The following KCNT2 variants were observed in gnomAD, a reference collection of about 807,000 sequenced individuals.
The protein encoded by KCNT2 is potassium sodium-activated channel subfamily T member 2.
KCNT2 carries 67 observed loss-of-function variants against 153.8 expected under a neutral mutation model. That is an observed-to-expected ratio of 0.44 (90% CI 0.36 to 0.53). The LOEUF is 0.53. KCNT2 is among the 20% of genes least tolerant of loss of function. KCNT2 has a pLI of 0.00. For missense variants in KCNT2, 975 were observed against 1,354.8 expected, an observed-to-expected ratio of 0.72 and a Z score of 4.40; for synonymous variants, 500 against 458.8, an observed-to-expected ratio of 1.09 and a Z score of -1.15.
chr1:196,312,386 C>T (rs570839849), intron 21 of KCNT2, among the ~76,000 whole-genome samples: 12 of 150,958 alleles, frequency 7.9e-5, no homozygotes, highest in African/African-American at 1.7e-4. Flanking sequence ...GTGTCCCCTC[C>T]GCGAGAAAAA....
At chr1:196,350,490 C>A (rs1481842689) in intron 14 of KCNT2, among the ~76,000 whole-genome samples, 1 of 152,152 alleles carries the variant, frequency 6.6e-6, no homozygotes, top group Non-Finnish European at 1.5e-5. Context: ...TGTCTTTTGG[C>A]TGCATAAATG....
intron 14 of KCNT2, among the ~76,000 whole-genome samples, chr1:196,355,590 G>C (rs910721173): frequency 1.3e-5 from 2 of 151,736 alleles, no homozygotes; most frequent in African/African-American, 4.8e-5. Context: ...GTACATGAAA[G>C]TAGCTTAAAT....
At chr1:196,417,978 T>C (rs1223015486) in intron 12 of KCNT2, among the ~76,000 whole-genome samples, 1 of 152,160 alleles carries the variant, frequency 6.6e-6, no homozygotes, top group East Asian at 1.9e-4. Context: ...TGCATGACTG[T>C]AGTTCGATAA....
At chr1:196,349,425 C>T (rs1666428329) in intron 14 of KCNT2, among the ~76,000 whole-genome samples, 2 of 152,112 alleles carry the variant, frequency 1.3e-5, no homozygotes, top group African/African-American at 4.8e-5. Flanking sequence ...TGTCGCTGCT[C>T]TGCAGGCTAA....
At chr1:196,547,810 T>A (rs367748214) in intron 1 of KCNT2, among the ~76,000 whole-genome samples, 1 of 151,824 alleles carries the variant, frequency 6.6e-6, no homozygotes, top group Non-Finnish European at 1.5e-5. Context: ...AAGCAATACA[T>A]CTTCTTTTAG....
intron 12 of KCNT2, among the ~76,000 whole-genome samples, chr1:196,405,433 T>A (rs1339228912): frequency 2.6e-5 from 4 of 151,520 alleles, no homozygotes; most frequent in Non-Finnish European, 5.9e-5. Flanking sequence ...AATGTCTCCA[T>A]AAAATTCAAC....
chr1:196,567,239 T>C (rs1660221073), intron 1 of KCNT2, among the ~76,000 whole-genome samples: 1 of 152,066 alleles, frequency 6.6e-6, no homozygotes, highest in Admixed American at 6.6e-5. Context: ...CTAGACTATG[T>C]AGCATTTCTT....
chr1:196,308,857 T>C (rs1186224951), intron 21 of KCNT2, among the ~76,000 whole-genome samples: 1 of 152,024 alleles, frequency 6.6e-6, no homozygotes, highest in East Asian at 1.9e-4. Context: ...ATGTTTCCTA[T>C]ATTAAAAATC....
intron 22 of KCNT2, among the ~76,000 whole-genome samples, chr1:196,304,009 A>G (rs1278550869): frequency 6.6e-6 from 1 of 152,158 alleles, no homozygotes; most frequent in African/African-American, 2.4e-5. Context: ...ATAGCCTTAC[A>G]TATGCCTTGC....
intron 1 of KCNT2, among the ~76,000 whole-genome samples, chr1:196,568,357 G>T (rs999375456): frequency 1.3e-5 from 2 of 152,026 alleles, no homozygotes; most frequent in Admixed American, 6.6e-5. Flanking sequence ...ACTTTGGGAG[G>T]CCGAGGCGGG....
intron 26 of KCNT2, among the ~76,000 whole-genome samples, chr1:196,256,194 T>C (rs575721289): frequency 1.6e-3 from 241 of 152,032 alleles, no homozygotes; most frequent in Non-Finnish European, 2.8e-3. Context: ...TAGTCAAGCA[T>C]CAGATTTTCA....
intron 5 of KCNT2, among the ~76,000 whole-genome samples, chr1:196,473,460 C>T (rs944698502): frequency 6.6e-6 from 1 of 152,178 alleles, no homozygotes; most frequent in Non-Finnish European, 1.5e-5. Flanking sequence ...ACTGTTGGTA[C>T]ATTACGTCAA....
At chr1:196,320,231 GAA>G (rs2148040063) in intron 19 of KCNT2, among the ~76,000 whole-genome samples, 1 of 151,760 alleles carries the variant, frequency 6.6e-6, no homozygotes, top group African/African-American at 2.4e-5. Flanking sequence ...AGCTTCCTTA[GAA>G]ACTGCTTAAT....
intron 16 of KCNT2, among the ~76,000 whole-genome samples, chr1:196,336,705 G>GC: frequency 6.6e-6 from 1 of 152,162 alleles, no homozygotes; most frequent in Admixed American, 6.6e-5. Context: ...GGTGAACAAT[G>GC]ATCATTGCAT....
chr1:196,548,598 G>A (rs528137738), intron 1 of KCNT2, among the ~76,000 whole-genome samples: 7 of 152,104 alleles, frequency 4.6e-5, no homozygotes, highest in East Asian at 1.9e-4. Flanking sequence ...TCAGTGTGGC[G>A]ATTCCTCAGG....
chr1:196,435,150 T>TATATA (rs1674530529), intron 8 of KCNT2, among the ~76,000 whole-genome samples: 1 of 107,152 alleles, frequency 9.3e-6, no homozygotes, highest in Admixed American at 8.8e-5. Context: ...TATATATATA[T>TATATA]ATATATATAT....
At chr1:196,437,653 C>T (rs556658126) in intron 8 of KCNT2, among the ~76,000 whole-genome samples, 72 of 150,428 alleles carry the variant, frequency 4.8e-4, no homozygotes, top group African/African-American at 1.2e-3. Context: ...AAATGAATAT[C>T]TTTTTAGTAT....
At chr1:196,282,595 C>T (rs1395771455) in intron 23 of KCNT2, among the ~76,000 whole-genome samples, 2 of 151,984 alleles carry the variant, frequency 1.3e-5, no homozygotes, top group Non-Finnish European at 2.9e-5. Context: ...AAATATCTAA[C>T]TATGCTTACA....
intron 12 of KCNT2, chr1:196,404,248 G>T: frequency 9.0e-6 from 3 of 333,946 alleles, no homozygotes; most frequent in Non-Finnish European, 1.3e-5. Flanking sequence ...GTCACTTCTG[G>T]CTTGGAGTAA....
Sources: allele counts gnomAD v4.1 joint callset (sites outside exome capture counted in the v4.1 genomes callset), GRCh38; gene constraint gnomAD v4.1.1; transcripts MANE v1.5; gene names NCBI Gene and HGNC (gene_info 2026-07-23, HGNC 2026-07-21).